PMPCB: variants seen among roughly 807,000 people sequenced by gnomAD.
The protein encoded by PMPCB is peptidase, mitochondrial processing subunit beta, also known as mitochondrial-processing peptidase subunit beta.
Under a neutral mutation model 61.5 loss-of-function variants are expected in PMPCB, and 46 were observed. The observed-to-expected ratio is 0.75, with a 90% CI of 0.59 to 0.96. The LOEUF is 0.96. Ranked by LOEUF, PMPCB falls within the 40% of genes least tolerant of loss-of-function variation. PMPCB has a pLI of 0.00. For synonymous variants in PMPCB, 191 were observed against 201.6 expected (o/e 0.95, Z 0.44); for missense variants, 590 against 602.4 (o/e 0.98, Z 0.22).
the PMPCB span, chr7:103,344,600 G>C: frequency 6.2e-7 from 1 of 1,612,490 alleles, no homozygotes; most frequent in Non-Finnish European, 8.5e-7. Context: ...CCGGCCGTCC[G>C]CGGCGCTTGG....
the PMPCB span, among the ~76,000 whole-genome samples, chr7:103,341,554 CT>C: frequency 1.3e-5 from 2 of 152,220 alleles, no homozygotes; most frequent in Non-Finnish European, 2.9e-5. Flanking sequence ...CAAACATTAT[CT>C]TTTCTGTGAA....
intron 12 of PMPCB, chr7:103,328,786 A>C (rs913425731): frequency 3.5e-6 from 1 of 286,118 alleles, no homozygotes; most frequent in Non-Finnish European, 6.7e-6. Context: ...TTAATACAGT[A>C]TTTCAAGTAG....
downstream of PMPCB, among the ~76,000 whole-genome samples, chr7:103,314,841 TAGTCA>T (rs1817958279): frequency 1.3e-5 from 2 of 152,212 alleles, no homozygotes; most frequent in Non-Finnish European, 1.5e-5. Flanking sequence ...AGCTTATGTA[TAGTCA>T]AGTCTATTAA....
chr7:103,323,706 G>GA (rs759184926), intron 12 of PMPCB: 43 of 1,290,654 alleles, frequency 3.3e-5, no homozygotes, highest in Admixed American at 1.7e-4. Context: ...CAGAATAAAT[G>GA]AAAAAAAATT....
chr7:103,298,789 T>C (rs1185189531), intron 2 of PMPCB, 81 bp downstream of exon 2: 1 of 1,374,924 alleles, frequency 7.3e-7, no homozygotes, highest in Non-Finnish European at 1.0e-6. Context: ...AGCTTTTTCG[T>C]TGGCTGGTGG....
At chr7:103,308,095 G>A (rs1321663265) in intron 7 of PMPCB, among the ~76,000 whole-genome samples, 2 of 152,292 alleles carry the variant, frequency 1.3e-5, no homozygotes, top group South Asian at 2.1e-4. Flanking sequence ...TCTTGGCTCA[G>A]TTTTGCCCAC....
In PMPCB at chr7:103,312,067, T is replaced by C. The variant is rs369328899; in HGVS notation, c.1341T>C (p.Ala447=). 2.7e-5 allele frequency: 43 copies of C among 1,613,554 alleles called. No homozygotes were observed. The African/African-American group carries it at 3.9e-4, about 15-fold the overall frequency. Reference sequence around the variant, plus strand: ...CTTCCATATTTCAGGCTGTGAATGCTGAGACAATTCGAGAAGTATGTACCA... The same window carrying C: ...CTTCCATATTTCAGGCTGTGAATGCCGAGACAATTCGAGAAGTATGTACCA... The part of the protein sequence containing the change: ...ELEARIDAVN[A]ETIREVCTKY... Residue 447 remains alanine, a synonymous_variant, in exon 12 of 13, where the codon GCT becomes GCC. Coordinates refer to ENST00000249269, the MANE Select transcript of PMPCB (RefSeq NM_004279.3).
At chr7:103,322,679 G>T in intron 12 of PMPCB, 1 of 1,612,476 alleles carries the variant, frequency 6.2e-7, no homozygotes, top group Non-Finnish European at 8.5e-7. Context: ...TAACATTTAG[G>T]GGACTTAAAT....
In PMPCB at chr7:103,304,482, C is replaced by T; in HGVS notation, c.728C>T (p.Ala243Val). 6.3e-7 allele frequency: 1 copy of T among 1,598,770 alleles called. No individual in the cohort carries two copies. The highest frequency in any genetic ancestry group is 8.6e-7 in the Non-Finnish European group (1 of 1,166,044). Residue 243 changes from alanine (A) to valine (V), a missense_variant, in exon 6 of 13, where the codon GCT becomes GTT. Ala to Val is a moderately conservative substitution (Grantham distance 64). Coordinates refer to ENST00000249269, the MANE Select transcript of PMPCB (RefSeq NM_004279.3). ...AAGGGGCCAAGAATAGTGCTTGCTGCTGCTGGAGGTTAGTCAATTTAAATT... is the reference window on the plus strand; with the variant it reads ...AAGGGGCCAAGAATAGTGCTTGCTGTTGCTGGAGGTTAGTCAATTTAAATT... ...HYKGPRIVLA[A>V]AGGVSHDELL...
chr7:103,320,439 T>C (rs116252045), intron 12 of PMPCB, among the ~76,000 whole-genome samples: 1,827 of 152,198 alleles, frequency 0.012, 36 homozygotes, highest in African/African-American at 0.042. Flanking sequence ...TCAACCCTGA[T>C]AGTTTTTTTC....
chr7:103,328,344 G>A (rs1282157852), intron 12 of PMPCB, among the ~76,000 whole-genome samples: 1 of 151,964 alleles, frequency 6.6e-6, no homozygotes, highest in Non-Finnish European at 1.5e-5. Flanking sequence ...AAAAATTCAG[G>A]TGTAGGCTGG....
intron 4 of PMPCB, among the ~76,000 whole-genome samples, chr7:103,301,319 A>G (rs1817444392): frequency 6.6e-6 from 1 of 152,242 alleles, no homozygotes; most frequent in African/African-American, 2.4e-5. Flanking sequence ...ATGATACCCT[A>G]ACTTTTGCAT....
In PMPCB at chr7:103,309,101, T is replaced by C. The variant is rs1175322767; in HGVS notation, c.993+6T>C. On this transcript the variant is annotated splice_donor_region_variant and intron_variant, in intron 8 of 12. Coordinates refer to ENST00000249269, the MANE Select transcript of PMPCB (RefSeq NM_004279.3). ...GCTCTTTTGGGGGAGGAATGGTAAG[T>C]GATTTTAAAAGAAATTTTCCATAAC... is the stretch of plus-strand genomic sequence containing the variant. 6.3e-7 allele frequency: 1 copy of C among 1,583,158 alleles called. No homozygotes were observed. The highest frequency in any genetic ancestry group is 1.9e-5 in the Admixed American group (1 of 52,990).
At chr7:103,321,200 A>G (rs555420198) in intron 12 of PMPCB, among the ~76,000 whole-genome samples, 1 of 152,130 alleles carries the variant, frequency 6.6e-6, no homozygotes, top group South Asian at 2.1e-4. Flanking sequence ...CCTCAACAAC[A>G]ACAATAACAA....
the PMPCB span, chr7:103,342,087 A>T: frequency 1.8e-5 from 10 of 560,832 alleles, no homozygotes; most frequent in Non-Finnish European, 2.3e-5. Context: ...CCGACTACGA[A>T]AATAATTGCA....
At chr7:103,319,156 A>C (rs751674050), downstream of PMPCB, among the ~76,000 whole-genome samples, 3 of 152,044 alleles carry the variant, frequency 2.0e-5, no homozygotes, top group Non-Finnish European at 4.4e-5. Context: ...AAACAAAAAC[A>C]GGCTGGGCGT....
intron 12 of PMPCB, chr7:103,319,688 A>T (rs767681306): frequency 6.2e-7 from 1 of 1,613,924 alleles, no homozygotes; most frequent in African/African-American, 1.3e-5. Context: ...GCTAAAGAAA[A>T]AAAAAGAAGA....
the PMPCB span, chr7:103,347,525 TA>T: frequency 1.7e-6 from 1 of 581,702 alleles, no homozygotes. Flanking sequence ...TTCTCACAGG[TA>T]ATCAGTCCAA....
rs748462849 is a variant in PMPCB at position 103,297,480 on chromosome 7, A to G, written c.21A>G (p.Arg7=). Residue 7 remains arginine, a synonymous_variant, in exon 1 of 13, where the codon CGA becomes CGG. Transcript: ENST00000249269. ...CAGAAATGGCGGCTGCGGCGGCTCG[A>G]GTGGTGTTGTCATCCGCGGCGCGGC... The part of the protein sequence containing the change: MAAAAA[R]VVLSSAARRR... 1.3e-6 allele frequency: 2 copies of G among 1,549,368 alleles called. No individual in the cohort carries two copies. Among genetic ancestry groups the G allele is most frequent in the Non-Finnish European group, 1.7e-6 (2 of 1,147,942 alleles).
Sources: allele counts gnomAD v4.1 joint callset (sites outside exome capture counted in the v4.1 genomes callset), GRCh38; gene constraint gnomAD v4.1.1; transcripts MANE v1.5; gene names NCBI Gene and HGNC (gene_info 2026-07-23, HGNC 2026-07-21).